IL1RAPL2: variants seen among roughly 807,000 people sequenced by gnomAD.
IL1RAPL2 encodes the protein interleukin 1 receptor accessory protein like 2, also known as X-linked interleukin-1 receptor accessory protein-like 2.
Under a neutral mutation model 44.1 loss-of-function variants are expected in IL1RAPL2, and 3 were observed. The observed-to-expected ratio is 0.07, with a 90% CI of 0.03 to 0.18. The LOEUF is 0.18. Ranked by LOEUF, IL1RAPL2 falls within the 10% of genes least tolerant of loss-of-function variation. The pLI is 1.00. For synonymous variants in IL1RAPL2, 181 were observed against 178.8 expected, an observed-to-expected ratio of 1.01 and a Z score of -0.10; for missense variants, 391 against 496.4, an observed-to-expected ratio of 0.79 and a Z score of 2.02.
intron 5 of IL1RAPL2, among the ~76,000 whole-genome samples, chrX:105,468,747 C>T (rs1446806821): frequency 9.0e-6 from 1 of 111,443 alleles, no homozygotes; most frequent in African/African-American, 3.3e-5. Context: ...TTCTTGGCCA[C>T]CAGAGAGCCT....
intron 2 of IL1RAPL2, among the ~76,000 whole-genome samples, chrX:104,969,665 ACAACT>A (rs753492361): frequency 6.2e-4 from 69 of 111,874 alleles, no homozygotes; most frequent in Admixed American, 3.4e-3. Flanking sequence ...ACAAGAGAAA[ACAACT>A]CAAGAGAAAA....
chrX:104,742,746 A>G (rs1056787528), intron 2 of IL1RAPL2, among the ~76,000 whole-genome samples: 6 of 111,696 alleles, frequency 5.4e-5, no homozygotes, highest in Non-Finnish European at 1.9e-5. Flanking sequence ...CAAATTGTTA[A>G]TACTTAACTC....
intron 7 of IL1RAPL2, among the ~76,000 whole-genome samples, chrX:105,723,146 T>TCACTAAATATCCTATTGCACCATTCA (rs1270363943): frequency 1.8e-5 from 2 of 111,647 alleles, no homozygotes; most frequent in Non-Finnish European, 3.8e-5. Context: ...GCAATTTCTT[T>TCACTAAATATCCTATTGCACCATTCA]CACTAAATAT....
At chrX:104,988,653 T>C (rs1026668319) in intron 2 of IL1RAPL2, among the ~76,000 whole-genome samples, 3 of 112,330 alleles carry the variant, frequency 2.7e-5, no homozygotes, top group African/African-American at 6.5e-5. Flanking sequence ...TACTTTTTAT[T>C]GTGCTTTTAT....
intron 6 of IL1RAPL2, among the ~76,000 whole-genome samples, chrX:105,698,675 A>T (rs1033838136): frequency 8.9e-6 from 1 of 112,353 alleles, no homozygotes; most frequent in East Asian, 2.8e-4. Context: ...CAACAGAAGT[A>T]GAAGTGAATG....
chrX:105,507,845 T>C (rs2147784768), intron 6 of IL1RAPL2, among the ~76,000 whole-genome samples: 1 of 112,280 alleles, frequency 8.9e-6, no homozygotes, highest in Non-Finnish European at 1.9e-5. Context: ...GGTTTAAACT[T>C]TACCAAAGTT....
chrX:105,718,759 G>A (rs182609296), intron 7 of IL1RAPL2, among the ~76,000 whole-genome samples: 41 of 110,633 alleles, frequency 3.7e-4, no homozygotes, highest in East Asian at 3.2e-3. Flanking sequence ...GTCTCTCCCC[G>A]CTTCCCTGCC....
intron 8 of IL1RAPL2, among the ~76,000 whole-genome samples, chrX:105,745,538 T>G (rs923734571): frequency 8.9e-6 from 1 of 111,783 alleles, no homozygotes; most frequent in Non-Finnish European, 1.9e-5. Context: ...AAGGACCCAT[T>G]TTGCATAGAT....
intron 6 of IL1RAPL2, among the ~76,000 whole-genome samples, chrX:105,596,350 C>T (rs75729575): frequency 0.064 from 6,887 of 108,063 alleles, 560 homozygotes; most frequent in African/African-American, 0.22. Flanking sequence ...TTTTTTTTGT[C>T]TTGTCTCAAG....
At chrX:105,043,568 A>G (rs1467159610) in intron 2 of IL1RAPL2, among the ~76,000 whole-genome samples, 1 of 79,575 alleles carries the variant, frequency 1.3e-5, no homozygotes, top group African/African-American at 6.5e-5. Flanking sequence ...TCAAAGCAGA[A>G]AAAAAAAAAA....
rs1330296138 is a variant in IL1RAPL2 at position 105,198,669 on chromosome X, C to T, written c.356+2921C>T. Among the ~76,000 whole-genome samples the T allele has an allele frequency of 3.6e-5, 4 of 111,661 alleles. No homozygotes were observed. The East Asian group carries it at 8.4e-4, about 23-fold the overall frequency. Reference sequence around the variant, plus strand: ...CTGTTTCAGTATCCATCTCTGGTAGCGCATTGTATTTGGTTGTCATGTCTC... The same window carrying T: ...CTGTTTCAGTATCCATCTCTGGTAGTGCATTGTATTTGGTTGTCATGTCTC... On this transcript the variant is annotated intron_variant, in intron 3 of 10. Transcript: ENST00000372582.
At chrX:104,575,718 C>T (rs1472485609) in intron 1 of IL1RAPL2, among the ~76,000 whole-genome samples, 1 of 111,759 alleles carries the variant, frequency 8.9e-6, no homozygotes, top group African/African-American at 3.3e-5. Flanking sequence ...TCCAAAAATA[C>T]AGCTGACTTT....
At chrX:105,168,109 A>G (rs748845007) in intron 2 of IL1RAPL2, among the ~76,000 whole-genome samples, 44 of 112,085 alleles carry the variant, frequency 3.9e-4, no homozygotes, top group Admixed American at 4.7e-4. Flanking sequence ...CCATTATGTC[A>G]GAGATCGGCT....
At chrX:104,632,469 C>T (rs1332621280) in intron 1 of IL1RAPL2, among the ~76,000 whole-genome samples, 2 of 111,471 alleles carry the variant, frequency 1.8e-5, no homozygotes, top group Non-Finnish European at 3.8e-5. Flanking sequence ...TCTTCCTACC[C>T]ATGAGCATGG....
chrX:104,909,320 G>A (rs1332644771), intron 2 of IL1RAPL2, among the ~76,000 whole-genome samples: 16 of 111,558 alleles, frequency 1.4e-4, no homozygotes, highest in African/African-American at 3.9e-4. Flanking sequence ...TAATTTGATC[G>A]TCTGAAGCCT....
chrX:105,061,390 T>A (rs2032073912), intron 2 of IL1RAPL2, among the ~76,000 whole-genome samples: 1 of 112,094 alleles, frequency 8.9e-6, no homozygotes, highest in East Asian at 2.8e-4. Context: ...TATTCCCTTA[T>A]AGTCAGATAA....
intron 1 of IL1RAPL2, among the ~76,000 whole-genome samples, chrX:104,631,212 C>A (rs1245242763): frequency 8.9e-6 from 1 of 111,938 alleles, no homozygotes; most frequent in East Asian, 2.8e-4. Flanking sequence ...TGTATATGTG[C>A]CACATTTTCT....
rs529270390 is a variant in IL1RAPL2 at position 105,456,965 on chromosome X, A to G, written c.698-27348A>G. ...GTTGGTGGAGTATTCTGTAGATTTC[A>G]CTTAAAAAGATTGATTGATAATATT... On this transcript the variant is annotated intron_variant, in intron 5 of 10. Transcript: ENST00000372582. Among the ~76,000 whole-genome samples the G allele has an allele frequency of 3.9e-3, 417 of 107,004 alleles. 2 individuals are homozygous for G. Among genetic ancestry groups the G allele is most frequent in the Non-Finnish European group, 6.7e-3 (346 of 51,942 alleles). The allele number at this position is 107,004 out of a possible 115,157, so 92.9% of individuals were successfully genotyped here. A position where few individuals can be genotyped will look rare whatever the true frequency, so the allele number is the denominator to read the frequency against.
At chrX:105,237,670 G>C (rs782181142) in intron 4 of IL1RAPL2, among the ~76,000 whole-genome samples, 1 of 111,419 alleles carries the variant, frequency 9.0e-6, no homozygotes, top group East Asian at 2.8e-4. Context: ...CATATCCTTC[G>C]CCCACTTGTT....
Sources: gnomAD v4.1 joint callset for allele counts (sites outside exome capture counted in the v4.1 genomes callset) on GRCh38, gnomAD v4.1.1 for gene constraint, MANE v1.5 for transcripts, NCBI Gene and HGNC (gene_info 2026-07-23, HGNC 2026-07-21) for gene names.